The following MAP7 variants were observed in gnomAD, a reference collection of about 807,000 sequenced individuals.
MAP7 encodes ensconsin.
MAP7 carries 52 observed loss-of-function variants against 94.8 expected under a neutral mutation model. That is an observed-to-expected ratio of 0.55 (90% CI 0.44 to 0.69). The LOEUF (loss-of-function observed/expected upper bound fraction) is 0.69, where lower values mean the gene tolerates loss of function less well. MAP7 is among the 30% of genes least tolerant of loss of function. The pLI is 0.00. For missense variants in MAP7, 940 were observed against 964.6 expected (o/e 0.97, Z 0.34); for synonymous variants, 350 against 357.0 (o/e 0.98, Z 0.22).
intron 1 of MAP7, among the ~76,000 whole-genome samples, chr6:136,546,957 C>T (rs1829785183): frequency 1.3e-5 from 2 of 152,170 alleles, no homozygotes; most frequent in East Asian, 1.9e-4. Flanking sequence ...CTAATAATAA[C>T]GTTTCCTCCT....
chr6:136,389,375 C>T lies in MAP7; in HGVS notation c.387G>A (p.Arg129=), dbSNP rs781050607. 5.8e-6 allele frequency: 9 copies of T among 1,555,918 alleles called. No homozygotes were observed. Among genetic ancestry groups the T allele is most frequent in the Non-Finnish European group, 7.8e-6 (9 of 1,157,236 alleles). ...RRRAAVEEKR[R]QRLEEDKERH... ...TCACTTTGTCCTCCTCAAGTCTCTG[C>T]CTCCGCTTCTCCTCCACAGCAGCCC... The change falls in exon 4 of 18, where the codon AGG becomes AGA. Residue 129 remains arginine, a synonymous_variant. Transcript: ENST00000354570.
chr6:136,511,645 T>C (rs901821655), intron 1 of MAP7, among the ~76,000 whole-genome samples: 3 of 152,188 alleles, frequency 2.0e-5, no homozygotes, highest in African/African-American at 4.8e-5. Context: ...GCAGCTCCAG[T>C]TCACTTTCCA....
chr6:136,482,509 G>C (rs1425301975), intron 1 of MAP7, among the ~76,000 whole-genome samples: 4 of 151,892 alleles, frequency 2.6e-5, no homozygotes, highest in Admixed American at 6.6e-5. Context: ...GCTGAGGCAG[G>C]AGAATCACTT....
chr6:136,516,919 T>TACATGCACACGAGCGC (rs1422326489), intron 1 of MAP7, among the ~76,000 whole-genome samples: 1 of 149,022 alleles, frequency 6.7e-6, no homozygotes, highest in African/African-American at 2.5e-5. Context: ...GCAACTCACA[T>TACATGCACACGAGCGC]ACATGCACAC....
intron 1 of MAP7, among the ~76,000 whole-genome samples, chr6:136,508,391 A>T (rs774924422): frequency 6.6e-6 from 1 of 152,214 alleles, no homozygotes; most frequent in Admixed American, 6.6e-5. Flanking sequence ...GATTTGTCAC[A>T]TCATTATGAG....
chr6:136,424,699 C>T (rs191223559), intron 1 of MAP7, among the ~76,000 whole-genome samples: 2 of 152,366 alleles, frequency 1.3e-5, no homozygotes, highest in African/African-American at 2.4e-5. Flanking sequence ...GTTTCTACTT[C>T]TGGCTGTATG....
At chr6:136,361,271 C>A in intron 11 of MAP7, 92 bp from the exon 12 acceptor site, 1 of 1,325,878 alleles carries the variant, frequency 7.5e-7, no homozygotes, top group Non-Finnish European at 1.0e-6. Context: ...AGGGCGGTTC[C>A]TTTAGGCGTC....
At chr6:136,483,403 T>A (rs9494523) in intron 1 of MAP7, among the ~76,000 whole-genome samples, 21,611 of 151,958 alleles carry the variant, frequency 0.14, 3,602 homozygotes, top group African/African-American at 0.39. Flanking sequence ...TACTACCTAT[T>A]GGGTACCATG....
intron 1 of MAP7, among the ~76,000 whole-genome samples, chr6:136,509,996 G>A (rs1287460811): frequency 1.3e-5 from 2 of 152,218 alleles, no homozygotes; most frequent in Non-Finnish European, 2.9e-5. Context: ...GAGGTCAGGA[G>A]TTCGAGACCA....
intron 16 of MAP7, among the ~76,000 whole-genome samples, chr6:136,356,190 AG>A (rs1790867961): frequency 2.0e-5 from 3 of 152,192 alleles, no homozygotes; most frequent in Non-Finnish European, 2.9e-5. Context: ...TTTTTGAGAC[AG>A]GGTCTCACTC....
rs533731117 is a variant in MAP7, at chr6:136,366,315, T to C, written c.989+12A>G. The C allele has an allele frequency of 1.0e-5, 16 of 1,604,512 alleles. No individual in the cohort carries two copies. The South Asian group carries it at 1.4e-4, about 14-fold the overall frequency. ...ATGAAACAACCCAGCCAGCCACTTATATTTCACTTACCAAAGTCGGGAGCG... is the reference window on the plus strand; with the variant it reads ...ATGAAACAACCCAGCCAGCCACTTACATTTCACTTACCAAAGTCGGGAGCG... On this transcript the variant is annotated intron_variant, in intron 9 of 17. Coordinates refer to ENST00000354570, the MANE Select transcript of MAP7 (RefSeq NM_003980.6).
At chr6:136,443,895 A>G (rs1025985014) in intron 1 of MAP7, among the ~76,000 whole-genome samples, 6 of 152,182 alleles carry the variant, frequency 3.9e-5, no homozygotes, top group Non-Finnish European at 8.8e-5. Flanking sequence ...GCAACACAAA[A>G]AATACTGTGG....
rs1788414506 is a variant in MAP7 at position 136,414,061 on chromosome 6, A to T, written c.167-2364T>A. Among the ~76,000 whole-genome samples the T allele has an allele frequency of 2.0e-5, 3 of 151,690 alleles. No individual in the cohort carries two copies. In the South Asian group the frequency reaches 6.2e-4, roughly 31 times the overall value. On this transcript the variant is annotated intron_variant, in intron 2 of 17. Coordinates refer to ENST00000354570, the MANE Select transcript of MAP7 (RefSeq NM_003980.6). ...TCAGGAGATCGAGACCATCCTGGCT[A>T]ACAAGGTGAAACCCCGTCTCTACTA...
At position 136,357,446 on chromosome 6, in the gene MAP7, C is replaced by T. The variant is rs371696199; in HGVS notation, c.1913-652G>A. On this transcript the variant is annotated intron_variant, in intron 15 of 17. Coordinates refer to ENST00000354570, the MANE Select transcript of MAP7 (RefSeq NM_003980.6). ...ATATATCTGTGGTAGATTATGGTTTCAGCTTGATGTGAGAGAATAACTGAA... is the reference window on the plus strand; with the variant it reads ...ATATATCTGTGGTAGATTATGGTTTTAGCTTGATGTGAGAGAATAACTGAA... Among the ~76,000 whole-genome samples, 152 of 152,268 alleles carry T rather than the reference C, an allele frequency of 1.0e-3. 1 individual carries two copies. Among genetic ancestry groups the T allele is most frequent in the African/African-American group, 3.5e-3 (146 of 41,562 alleles).
intron 1 of MAP7, among the ~76,000 whole-genome samples, chr6:136,536,272 C>A (rs1828882796): frequency 1.3e-5 from 2 of 152,028 alleles, no homozygotes; most frequent in Admixed American, 1.3e-4. Flanking sequence ...AATACGTCTT[C>A]TCTTAGGCTT....
At chr6:136,470,891 T>A (rs530612280) in intron 1 of MAP7, among the ~76,000 whole-genome samples, 1 of 152,298 alleles carries the variant, frequency 6.6e-6, no homozygotes, top group East Asian at 1.9e-4. Context: ...TTACAAGAAT[T>A]TAAATGTTTT....
chr6:136,498,060 G>T (rs968355199), intron 1 of MAP7, among the ~76,000 whole-genome samples: 8 of 152,062 alleles, frequency 5.3e-5, no homozygotes, highest in Admixed American at 4.6e-4. Flanking sequence ...AAAGGTGAGA[G>T]ACTTTATCCT....
chr6:136,359,999 T>TCTC lies in MAP7; in HGVS notation c.1833_1835dup (p.Arg612dup). The TCTC allele has an allele frequency of 6.2e-7, 1 of 1,613,502 alleles. No homozygotes were observed. Among genetic ancestry groups the TCTC allele is most frequent in the African/African-American group, 1.3e-5 (1 of 75,016 alleles). On this transcript the variant is annotated inframe_insertion, in exon 14 of 18. Coordinates refer to ENST00000354570, the MANE Select transcript of MAP7 (RefSeq NM_003980.6). Reference sequence around the variant, plus strand: ...TCAATACCTTATCTGTAGCTTCTGTTCTCCTGGTTCTTTTCATAATCTCCT... The same window carrying TCTC: ...TCAATACCTTATCTGTAGCTTCTGTTCTCCTCCTGGTTCTTTTCATAATCTCCT...
At chr6:136,507,353 G>T (rs75235911) in intron 1 of MAP7, among the ~76,000 whole-genome samples, 3 of 151,576 alleles carry the variant, frequency 2.0e-5, no homozygotes, top group South Asian at 2.1e-4. Flanking sequence ...GACGGGAAGG[G>T]GGGTAGTAAC....
Sources: gnomAD v4.1 joint callset for allele counts (sites outside exome capture counted in the v4.1 genomes callset) on GRCh38, gnomAD v4.1.1 for gene constraint, MANE v1.5 for transcripts, NCBI Gene and HGNC (gene_info 2026-07-23, HGNC 2026-07-21) for gene names.